The following NR2C2 variants were observed in gnomAD, a reference collection of about 807,000 sequenced individuals.
NR2C2 encodes the protein nuclear receptor subfamily 2 group C member 2.
In NR2C2, 6 loss-of-function variants were observed where a neutral mutation model predicts 62.9. The ratio of observed to expected loss-of-function variants is 0.10; its 90% CI spans 0.05 to 0.19. The LOEUF (loss-of-function observed/expected upper bound fraction) is 0.19, where lower values mean the gene tolerates loss of function less well. Among genes scored for constraint, NR2C2 ranks in the 10% least tolerant of loss-of-function variants. The pLI is 1.00. For synonymous variants in NR2C2, 272 were observed against 273.8 expected (o/e 0.99, Z 0.07); for missense variants, 479 against 762.7 (o/e 0.63, Z 4.38).
At chr3:15,041,975 C>T (rs1427633657) in intron 13 of NR2C2, among the ~76,000 whole-genome samples, 1 of 152,198 alleles carries the variant, frequency 6.6e-6, no homozygotes, top group Non-Finnish European at 1.5e-5. Context: ...GGTTTTGTAA[C>T]CTTTTTTCAT....
At chr3:14,953,240 T>C (rs1047438539) in intron 1 of NR2C2, among the ~76,000 whole-genome samples, 1 of 152,246 alleles carries the variant, frequency 6.6e-6, no homozygotes, top group East Asian at 1.9e-4. Context: ...TGAAGTCCTT[T>C]AATAGGAGGT....
chr3:15,029,026 A>G (rs1208575697), intron 8 of NR2C2, among the ~76,000 whole-genome samples: 1 of 152,158 alleles, frequency 6.6e-6, no homozygotes, highest in Non-Finnish European at 1.5e-5. Context: ...ATTACTGTTT[A>G]ATAATGCGTC....
chr3:15,024,913 C>A (rs1347473687), intron 7 of NR2C2, among the ~76,000 whole-genome samples: 1 of 152,262 alleles, frequency 6.6e-6, no homozygotes, highest in African/African-American at 2.4e-5. Flanking sequence ...TCCTCCTCAT[C>A]TGTTCACAGT....
chr3:14,970,150 C>T (rs1465734649), intron 1 of NR2C2, among the ~76,000 whole-genome samples: 1 of 151,242 alleles, frequency 6.6e-6, no homozygotes, highest in Non-Finnish European at 1.5e-5. Context: ...TATCACCAAG[C>T]CTCCTCTAAA....
chr3:15,014,777 G>A (rs778173497), intron 3 of NR2C2, among the ~76,000 whole-genome samples: 11 of 152,078 alleles, frequency 7.2e-5, no homozygotes, highest in Non-Finnish European at 1.6e-4. Context: ...CATCCATGTT[G>A]TAGCATGTGT....
intron 4 of NR2C2, among the ~76,000 whole-genome samples, chr3:15,017,584 G>T (rs2041546530): frequency 6.6e-6 from 1 of 152,132 alleles, no homozygotes; most frequent in South Asian, 2.1e-4. Flanking sequence ...CCATTTGTCA[G>T]TCTTCTTCTG....
intron 6 of NR2C2, among the ~76,000 whole-genome samples, chr3:15,023,573 T>A (rs142143337): frequency 1.3e-5 from 2 of 152,332 alleles, no homozygotes; most frequent in Non-Finnish European, 2.9e-5. Flanking sequence ...GAATTCAGAT[T>A]ATGTCCTGCA....
chr3:15,008,112 G>C (rs570601393), intron 2 of NR2C2, among the ~76,000 whole-genome samples: 1 of 152,264 alleles, frequency 6.6e-6, no homozygotes, highest in East Asian at 1.9e-4. Context: ...GAGAACTTGA[G>C]CCCAGGATGA....
At chr3:15,041,886 A>G (rs762174408) in intron 13 of NR2C2, among the ~76,000 whole-genome samples, 1 of 152,186 alleles carries the variant, frequency 6.6e-6, no homozygotes, top group African/African-American at 2.4e-5. Context: ...AGCACTGTCC[A>G]GATACCTACT....
intron 1 of NR2C2, among the ~76,000 whole-genome samples, chr3:14,982,433 C>G (rs1251813570): frequency 5.3e-5 from 8 of 152,122 alleles, no homozygotes; most frequent in African/African-American, 1.7e-4. Context: ...TTAAATGAAT[C>G]AATTTAGAGA....
rs574517841 is a variant in NR2C2, at chr3:15,046,404, T to A, written c.*3396T>A. The A allele has an allele frequency of 7.9e-5, 12 of 152,214 alleles. No individual in the cohort carries two copies. The highest frequency in any genetic ancestry group is 4.4e-5 in the Non-Finnish European group (3 of 68,042). 9.4% of individuals were successfully genotyped at this position (152,214 alleles called of 1,614,324 possible). A position where few individuals can be genotyped will look rare whatever the true frequency, so the allele number is the denominator to read the frequency against. ...AATATCCACGCTACACACATACTTA[T>A]TAGCTGTCTTACTTGTTTGGGGGAT... On this transcript the variant is annotated 3_prime_UTR_variant, in exon 14 of 14. Transcript: ENST00000425241.
chr3:14,962,020 G>T (rs2039701106), intron 1 of NR2C2, among the ~76,000 whole-genome samples: 1 of 152,190 alleles, frequency 6.6e-6, no homozygotes, highest in East Asian at 1.9e-4. Context: ...TCTATCCAGA[G>T]TTGATCTCAC....
At chr3:14,984,805 G>A (rs2040471470) in intron 1 of NR2C2, among the ~76,000 whole-genome samples, 2 of 151,946 alleles carry the variant, frequency 1.3e-5, no homozygotes, top group South Asian at 4.1e-4. Flanking sequence ...TAGATAGCTA[G>A]GAGTGGAATT....
intron 11 of NR2C2, among the ~76,000 whole-genome samples, chr3:15,037,229 G>A (rs1299284855): frequency 6.7e-6 from 1 of 149,800 alleles, no homozygotes; most frequent in Admixed American, 6.7e-5. Flanking sequence ...GTGTGTGTGT[G>A]TGTGTGTGTG....
intron 1 of NR2C2, among the ~76,000 whole-genome samples, chr3:14,956,259 T>C (rs746383822): frequency 3.9e-5 from 6 of 152,236 alleles, no homozygotes; most frequent in Non-Finnish European, 7.3e-5. Flanking sequence ...TCAAGCTATG[T>C]ATTTCTTATT....
At chr3:15,000,661 A>G (rs578140967) in intron 1 of NR2C2, among the ~76,000 whole-genome samples, 97 of 152,296 alleles carry the variant, frequency 6.4e-4, no homozygotes, top group African/African-American at 2.2e-3. Context: ...TCTGGGTCCC[A>G]TGCATTCCCA....
At chr3:15,007,110 A>C (rs1450683179) in intron 2 of NR2C2, among the ~76,000 whole-genome samples, 1 of 139,798 alleles carries the variant, frequency 7.2e-6, no homozygotes, top group South Asian at 2.3e-4. Flanking sequence ...CTTGTCACAG[A>C]GGTTTTCCCT....
intron 1 of NR2C2, among the ~76,000 whole-genome samples, chr3:14,995,235 T>C (rs1282767474): frequency 1.3e-5 from 2 of 150,668 alleles, no homozygotes; most frequent in Admixed American, 6.6e-5. Context: ...CTATTTAAGG[T>C]GTAGAATTCT....
rs1192888660 is a variant in NR2C2, at chr3:15,044,157, C to T, written c.*1149C>T. 1 of 152,224 alleles carries T rather than the reference C, an allele frequency of 6.6e-6. No individual in the cohort carries two copies. The highest frequency in any genetic ancestry group is 6.5e-5 in the Admixed American group (1 of 15,272). 9.4% of individuals were successfully genotyped at this position (152,224 alleles called of 1,614,324 possible). A position where few individuals can be genotyped will look rare whatever the true frequency, so the allele number is the denominator to read the frequency against. On this transcript the variant is annotated 3_prime_UTR_variant, in exon 14 of 14. Transcript: ENST00000425241. ...GGGCTGGGCAGGAGCCTGCTGCCGC[C>T]TGGCGAGAGTGGTTAGGGCCTGGTA...
Sources: allele counts gnomAD v4.1 joint callset (sites outside exome capture counted in the v4.1 genomes callset), GRCh38; gene constraint gnomAD v4.1.1; transcripts MANE v1.5; gene names NCBI Gene and HGNC (gene_info 2026-07-23, HGNC 2026-07-21).